The following PTPN4 variants were observed in gnomAD, a reference collection of about 807,000 sequenced individuals.
The protein encoded by PTPN4 is protein tyrosine phosphatase non-receptor type 4.
In PTPN4, 49 loss-of-function variants were observed where a neutral mutation model predicts 135.5. The ratio of observed to expected loss-of-function variants is 0.36; its 90% CI spans 0.29 to 0.46. PTPN4 has a LOEUF of 0.46. Among genes scored for constraint, PTPN4 ranks in the 20% least tolerant of loss-of-function variants. The pLI is 1.00. For missense variants in PTPN4, 860 were observed against 1,101.0 expected, an observed-to-expected ratio of 0.78 and a Z score of 3.10; for synonymous variants, 333 against 369.9, an observed-to-expected ratio of 0.90 and a Z score of 1.14.
chr2:119,812,541 A>G (rs954059055), intron 2 of PTPN4, among the ~76,000 whole-genome samples: 2 of 152,194 alleles, frequency 1.3e-5, no homozygotes, highest in Non-Finnish European at 2.9e-5. Context: ...TAACTTCACT[A>G]GATCTTGCTT....
At chr2:119,956,786 C>T in intron 20 of PTPN4, 58 bp from the exon 21 acceptor site, 1 of 1,564,586 alleles carries the variant, frequency 6.4e-7, no homozygotes. Flanking sequence ...GTCTGGTAAA[C>T]AAAAGAGAAA....
At chr2:119,875,691 ACTTT>A (rs1269482195) in intron 3 of PTPN4, among the ~76,000 whole-genome samples, 1 of 152,096 alleles carries the variant, frequency 6.6e-6, no homozygotes, top group Non-Finnish European at 1.5e-5. Flanking sequence ...TACTTTGCTT[ACTTT>A]CTTATTTTGA....
intron 3 of PTPN4, 30 bp downstream of exon 3, chr2:119,862,673 AT>A: frequency 6.4e-7 from 1 of 1,554,070 alleles, no homozygotes; most frequent in Non-Finnish European, 8.8e-7. Flanking sequence ...TTTCATTTTC[AT>A]TTAGTTTTTC....
intron 2 of PTPN4, among the ~76,000 whole-genome samples, chr2:119,833,878 G>T (rs894941211): frequency 6.6e-6 from 1 of 152,124 alleles, no homozygotes; most frequent in African/African-American, 2.4e-5. Flanking sequence ...ATTCAGAAAT[G>T]TTGCTATCCA....
At chr2:119,967,342 G>A (rs184325463) in intron 25 of PTPN4, among the ~76,000 whole-genome samples, 10 of 152,110 alleles carry the variant, frequency 6.6e-5, no homozygotes, top group East Asian at 5.8e-4. Context: ...CCAGCTACTC[G>A]AGAGGCTGAG....
In PTPN4 at chr2:119,924,711, AT is replaced by A. The variant is rs532425628; in HGVS notation, c.1002-1883del. Among the ~76,000 whole-genome samples, 649 of 131,910 alleles carry A rather than the reference AT, an allele frequency of 4.9e-3. 6 individuals are homozygous for A. Among genetic ancestry groups the A allele is most frequent in the African/African-American group, 0.019 (615 of 32,248 alleles). 86.5% of individuals were successfully genotyped at this position (131,910 alleles called of 152,430 possible). Reference sequence around the variant, plus strand: ...TGAAATATAAGCCTTTCTTTCATTAATTTTAAAAAAAATTGTTTCTTTATTA... The same window carrying A: ...TGAAATATAAGCCTTTCTTTCATTAATTTAAAAAAAATTGTTTCTTTATTA... On this transcript the variant is annotated intron_variant, in intron 12 of 26. Transcript: ENST00000263708.
intron 15 of PTPN4, among the ~76,000 whole-genome samples, chr2:119,940,610 C>T (rs1679047167): frequency 6.6e-6 from 1 of 152,084 alleles, no homozygotes; most frequent in Non-Finnish European, 1.5e-5. Flanking sequence ...TATACACCAC[C>T]ATCCCCAGTT....
chr2:119,899,130 G>C (rs1027316346), intron 9 of PTPN4, among the ~76,000 whole-genome samples: 2 of 152,038 alleles, frequency 1.3e-5, no homozygotes, highest in African/African-American at 4.8e-5. Flanking sequence ...TTTCAGTTTG[G>C]GGTTCTCCAT....
intron 1 of PTPN4, among the ~76,000 whole-genome samples, chr2:119,778,304 G>A (rs1014515843): frequency 1.3e-5 from 2 of 152,150 alleles, no homozygotes; most frequent in Non-Finnish European, 2.9e-5. Context: ...GTAATGAACT[G>A]TAGATAGGAG....
intron 1 of PTPN4, chr2:119,771,608 T>G (rs1361196328): frequency 6.6e-6 from 1 of 152,234 alleles, no homozygotes; most frequent in Admixed American, 6.5e-5. Flanking sequence ...CCTGGATCAC[T>G]GCTTATTGTC....
chr2:119,799,599 T>C (rs1033399477), intron 1 of PTPN4, among the ~76,000 whole-genome samples: 1 of 152,200 alleles, frequency 6.6e-6, no homozygotes, highest in African/African-American at 2.4e-5. Flanking sequence ...ATAATTGAGC[T>C]TACAGATTCT....
At chr2:119,797,836 G>A (rs1691290822) in intron 1 of PTPN4, among the ~76,000 whole-genome samples, 2 of 152,068 alleles carry the variant, frequency 1.3e-5, no homozygotes. Flanking sequence ...TTGTATCCCA[G>A]AATTTTAATT....
intron 12 of PTPN4, among the ~76,000 whole-genome samples, chr2:119,926,126 G>A (rs1047380106): frequency 7.2e-5 from 11 of 152,088 alleles, no homozygotes; most frequent in Non-Finnish European, 1.5e-4. Flanking sequence ...TTGATATACC[G>A]CAAATTTATG....
At chr2:119,766,474 GTGTGTGTGTC>G (rs778026885) in intron 1 of PTPN4, among the ~76,000 whole-genome samples, 9,535 of 129,932 alleles carry the variant, frequency 0.073, 319 homozygotes, top group African/African-American at 0.12. Flanking sequence ...GTGTGTGTGT[GTGTGTGTGTC>G]TGTGTGTGTG....
chr2:119,877,280 C>A, intron 3 of PTPN4, 43 bp from the exon 4 acceptor site: 1 of 1,581,406 alleles, frequency 6.3e-7, no homozygotes, highest in Non-Finnish European at 8.6e-7. Flanking sequence ...TATAGTAGTT[C>A]CTCAAGGAAA....
intron 1 of PTPN4, among the ~76,000 whole-genome samples, chr2:119,773,279 C>T (rs185502791): frequency 3.9e-5 from 6 of 152,178 alleles, no homozygotes; most frequent in African/African-American, 1.4e-4. Flanking sequence ...TGAAAACGCA[C>T]ATACAGCTGA....
At chr2:119,800,730 T>C (rs1050734943) in intron 1 of PTPN4, among the ~76,000 whole-genome samples, 2 of 152,210 alleles carry the variant, frequency 1.3e-5, no homozygotes, top group African/African-American at 4.8e-5. Context: ...GTGAGTAATT[T>C]TTTGCATAAG....
chr2:119,943,708 C>G (rs1167579327), intron 15 of PTPN4, among the ~76,000 whole-genome samples: 1 of 151,302 alleles, frequency 6.6e-6, no homozygotes, highest in Non-Finnish European at 1.5e-5. Flanking sequence ...GCCTCAGCCC[C>G]CCCGAGTAGC....
intron 15 of PTPN4, among the ~76,000 whole-genome samples, chr2:119,944,227 C>T (rs1510780): frequency 0.064 from 9,707 of 152,112 alleles, 831 homozygotes; most frequent in African/African-American, 0.2. Context: ...CAGATAATAA[C>T]GCCAATAGTG....
Sources: gnomAD v4.1 joint callset for allele counts (sites outside exome capture counted in the v4.1 genomes callset) on GRCh38, gnomAD v4.1.1 for gene constraint, MANE v1.5 for transcripts, NCBI Gene and HGNC (gene_info 2026-07-23, HGNC 2026-07-21) for gene names.